Variants in GRIK2 observed in about 807,000 individuals in gnomAD.
GRIK2 encodes glutamate ionotropic receptor kainate type subunit 2, also known as glutamate receptor ionotropic, kainate 2.
In GRIK2, 32 loss-of-function variants were observed where a neutral mutation model predicts 100.3. That is an observed-to-expected ratio of 0.32 (90% CI 0.24 to 0.43). GRIK2 has a LOEUF of 0.43. Ranked by LOEUF, GRIK2 falls within the 20% of genes least tolerant of loss-of-function variation. The probability of loss-of-function intolerance (pLI) is 1.00; values close to 1 mark genes in which losing one functional copy is unlikely to be tolerated. For missense variants in GRIK2, 843 were observed against 1,114.9 expected (o/e 0.76, Z 3.47); for synonymous variants, 417 against 389.4 (o/e 1.07, Z -0.83).
At chr6:101,535,381 A>T (rs977416085) in intron 2 of GRIK2, among the ~76,000 whole-genome samples, 3 of 151,764 alleles carry the variant, frequency 2.0e-5, no homozygotes, top group African/African-American at 4.8e-5. Context: ...ATGAAAATGA[A>T]AATTCACTTT....
At chr6:102,004,877 T>C (rs1795131499) in intron 14 of GRIK2, among the ~76,000 whole-genome samples, 1 of 151,840 alleles carries the variant, frequency 6.6e-6, no homozygotes, top group African/African-American at 2.4e-5. Flanking sequence ...TTTCTTTCTT[T>C]CTTTCTTTTG....
intron 9 of GRIK2, among the ~76,000 whole-genome samples, chr6:101,806,003 A>G (rs1780981786): frequency 1.3e-5 from 2 of 152,088 alleles, no homozygotes; most frequent in South Asian, 4.1e-4. Context: ...TTTCTACTCT[A>G]TTATAACAGA....
At chr6:101,983,112 T>G (rs2128489932) in intron 14 of GRIK2, among the ~76,000 whole-genome samples, 1 of 151,958 alleles carries the variant, frequency 6.6e-6, no homozygotes, top group African/African-American at 2.4e-5. Flanking sequence ...TCAACGAGCT[T>G]GAACTTTCAA....
At chr6:102,009,407 A>C (rs543412412) in intron 14 of GRIK2, among the ~76,000 whole-genome samples, 1 of 152,208 alleles carries the variant, frequency 6.6e-6, no homozygotes, top group East Asian at 1.9e-4. Flanking sequence ...ATTCTGTAAC[A>C]TTACTTGTCC....
At chr6:101,705,793 A>G (rs568125446) in intron 7 of GRIK2, among the ~76,000 whole-genome samples, 4 of 151,926 alleles carry the variant, frequency 2.6e-5, no homozygotes, top group Admixed American at 6.6e-5. Context: ...TAATTTTTCT[A>G]TCAGTTTTGA....
At chr6:101,549,708 T>C (rs1776416978) in intron 2 of GRIK2, among the ~76,000 whole-genome samples, 1 of 152,158 alleles carries the variant, frequency 6.6e-6, no homozygotes, top group Non-Finnish European at 1.5e-5. Context: ...CTGCTCTTTT[T>C]TGACTTAAGT....
intron 2 of GRIK2, among the ~76,000 whole-genome samples, chr6:101,527,252 A>G (rs1213914284): frequency 1.3e-5 from 2 of 152,182 alleles, no homozygotes; most frequent in South Asian, 2.1e-4. Flanking sequence ...CTGCTATGTT[A>G]TTATTCTTTT....
chr6:102,011,779 G>A (rs1209215781), intron 14 of GRIK2, among the ~76,000 whole-genome samples: 1 of 151,334 alleles, frequency 6.6e-6, no homozygotes, highest in African/African-American at 2.4e-5. Flanking sequence ...CTAGAGACGG[G>A]GTTTCACCAT....
chr6:101,821,689 C>T (rs908872906), intron 10 of GRIK2, among the ~76,000 whole-genome samples: 10 of 152,016 alleles, frequency 6.6e-5, no homozygotes, highest in African/African-American at 2.2e-4. Context: ...ACTCTGACTT[C>T]AACATATCCA....
At position 101,676,590 on chromosome 6, in the gene GRIK2, A is replaced by T. The variant is rs901097092; in HGVS notation, c.542-33A>T. The T allele has an allele frequency of 5.4e-5, 69 of 1,280,048 alleles. 1 individual carries two copies. Among genetic ancestry groups the T allele is most frequent in the Non-Finnish European group, 7.2e-5 (66 of 922,950 alleles). The allele number at this position is 1,280,048 out of a possible 1,614,324, so 79.3% of individuals were successfully genotyped here. A position where few individuals can be genotyped will look rare whatever the true frequency, so the allele number is the denominator to read the frequency against. On this transcript the variant is annotated intron_variant, in intron 4 of 16. Transcript: ENST00000369134. ...TGCCCTACTCTATTTTTTATCTCTAATATTCTTTTTTTTTTTTCCATTTTA... is the reference window on the plus strand; with the variant it reads ...TGCCCTACTCTATTTTTTATCTCTATTATTCTTTTTTTTTTTTCCATTTTA...
chr6:101,748,415 A>G (rs1776575493), intron 7 of GRIK2, among the ~76,000 whole-genome samples: 1 of 152,148 alleles, frequency 6.6e-6, no homozygotes, highest in Admixed American at 6.5e-5. Context: ...TAATGTTGGG[A>G]AATTCTGGGA....
rs78374671 is a variant in GRIK2, at chr6:101,969,852, G to A, written c.2085+41220G>A. ...GCAAATTGTATGTGAAAGACTTGGA[G>A]TTATAATAATGGCTCTAGGCTTAAA... On this transcript the variant is annotated intron_variant, in intron 14 of 16. Coordinates refer to ENST00000369134, the MANE Select transcript of GRIK2 (RefSeq NM_021956.5). 5.6e-3 allele frequency among the ~76,000 whole-genome samples: 858 copies of A among 152,106 alleles called. 9 individuals carry two copies. The highest frequency in any genetic ancestry group is 0.02 in the African/African-American group (819 of 41,536).
In GRIK2 at chr6:101,809,102, GAAGCT is replaced by G. The variant is rs1781175598; in HGVS notation, c.1203+6665_1203+6669del. Among the ~76,000 whole-genome samples, 3 of 151,692 alleles carry G rather than the reference GAAGCT, an allele frequency of 2.0e-5. No individual in the cohort carries two copies. In the South Asian group the frequency reaches 6.2e-4, roughly 31 times the overall value. On this transcript the variant is annotated intron_variant, in intron 9 of 16. Transcript: ENST00000369134. The stretch of plus-strand genomic sequence containing the variant: ...AATTTGTCATATTTTACTTTCATGT[GAAGCT>G]TCATTTTAACTTTTAACACTTATGC...
chr6:101,520,723 A>G (rs1774840032), intron 2 of GRIK2, among the ~76,000 whole-genome samples: 1 of 152,098 alleles, frequency 6.6e-6, no homozygotes. Context: ...CCAAGTGATG[A>G]CATAGATTTA....
At chr6:101,576,096 G>A (rs1004997980) in intron 2 of GRIK2, among the ~76,000 whole-genome samples, 4 of 151,916 alleles carry the variant, frequency 2.6e-5, no homozygotes, top group Non-Finnish European at 5.9e-5. Context: ...TATTATGATA[G>A]GATATTATAT....
rs530161349 is a variant in GRIK2 at position 101,976,415 on chromosome 6, A to T, written c.2085+47783A>T. Among the ~76,000 whole-genome samples, 7 of 152,074 alleles carry T rather than the reference A, an allele frequency of 4.6e-5. No homozygotes were observed. In the South Asian group the frequency reaches 1.2e-3, roughly 27 times the overall value. Reference sequence around the variant, plus strand: ...AAGGGCAGTTTAAAGTGTTCTGTGCATCTGGGTGTGGTGGCTCATGCCTGT... The same window carrying T: ...AAGGGCAGTTTAAAGTGTTCTGTGCTTCTGGGTGTGGTGGCTCATGCCTGT... On this transcript the variant is annotated intron_variant, in intron 14 of 16. Coordinates refer to ENST00000369134, the MANE Select transcript of GRIK2 (RefSeq NM_021956.5).
intron 4 of GRIK2, among the ~76,000 whole-genome samples, chr6:101,654,276 A>G (rs776368691): frequency 6.6e-6 from 1 of 152,078 alleles, no homozygotes; most frequent in Non-Finnish European, 1.5e-5. Context: ...TAAAGATACA[A>G]CTGGGATCGT....
At chr6:101,593,752 T>C (rs1240966686) in intron 2 of GRIK2, among the ~76,000 whole-genome samples, 1 of 151,900 alleles carries the variant, frequency 6.6e-6, no homozygotes, top group Non-Finnish European at 1.5e-5. Context: ...ATTTTTTACT[T>C]CCCAATGAGC....
intron 15 of GRIK2, among the ~76,000 whole-genome samples, chr6:102,036,065 C>T (rs1170899717): frequency 6.6e-6 from 1 of 151,200 alleles, no homozygotes; most frequent in Non-Finnish European, 1.5e-5. Context: ...GAATATTTAA[C>T]ACTAAGGATT....
Sources: allele counts gnomAD v4.1 joint callset (sites outside exome capture counted in the v4.1 genomes callset), GRCh38; gene constraint gnomAD v4.1.1; transcripts MANE v1.5; gene names NCBI Gene and HGNC (gene_info 2026-07-23, HGNC 2026-07-21).